PALM2AKAP2: variants seen among roughly 807,000 people sequenced by gnomAD.
The protein encoded by PALM2AKAP2 is PALM2-AKAP2 fusion protein.
A neutral mutation model predicts 71.5 loss-of-function variants in PALM2AKAP2; 37 were observed. The ratio of observed to expected loss-of-function variants is 0.52; its 90% confidence interval spans 0.40 to 0.68. The LOEUF (loss-of-function observed/expected upper bound fraction) is 0.68. PALM2AKAP2 is among the 30% of genes least tolerant of loss of function. The pLI, the probability that PALM2AKAP2 is intolerant of heterozygous loss-of-function variation, is 0.00. For missense variants in PALM2AKAP2, 1,224 were observed against 1,191.8 expected, an observed-to-expected ratio of 1.03 and a Z score of -0.40; for synonymous variants, 468 against 478.8, an observed-to-expected ratio of 0.98 and a Z score of 0.29.
intron 1 of PALM2AKAP2, among the ~76,000 whole-genome samples, chr9:109,644,819 C>T (rs1196954816): frequency 6.6e-6 from 1 of 152,184 alleles, no homozygotes; most frequent in Non-Finnish European, 1.5e-5. Context: ...CAAGAGTCAC[C>T]TTTGCTCCAG....
At chr9:110,063,534 G>A (rs1834008627) in intron 1 of PALM2AKAP2, among the ~76,000 whole-genome samples, 1 of 151,750 alleles carries the variant, frequency 6.6e-6, no homozygotes, top group African/African-American at 2.4e-5. Flanking sequence ...CTGCCTCCCA[G>A]GTTCAAGTGA....
intron 7 of PALM2AKAP2, among the ~76,000 whole-genome samples, chr9:110,037,394 CG>C (rs1457249318): frequency 2.0e-5 from 3 of 152,190 alleles, no homozygotes; most frequent in East Asian, 3.9e-4. Flanking sequence ...TTAGTAGGGA[CG>C]GGGTTACTCC....
At chr9:109,867,523 C>A (rs1482620618) in exon 2 of PALM2AKAP2, 1 of 1,612,856 alleles carries the variant, frequency 6.2e-7, no homozygotes, top group African/African-American at 1.3e-5. Context: ...AAATAGAAGG[C>A]AAGCGACAAC....
chr9:109,640,934 C>A, intron 1 of PALM2AKAP2: 1 of 1,462,546 alleles, frequency 6.8e-7, no homozygotes, highest in South Asian at 1.4e-5. Context: ...ACCGCGGCGG[C>A]AGGCAGATCC....
intron 1 of PALM2AKAP2, among the ~76,000 whole-genome samples, chr9:110,074,478 A>G (rs1248441280): frequency 1.3e-5 from 2 of 152,182 alleles, no homozygotes; most frequent in East Asian, 1.9e-4. Context: ...CATGAGGTCT[A>G]TGGTTTACAT....
chr9:110,019,268 A>G (rs1430080748), intron 7 of PALM2AKAP2, among the ~76,000 whole-genome samples: 1 of 151,302 alleles, frequency 6.6e-6, no homozygotes, highest in Non-Finnish European at 1.5e-5. Flanking sequence ...AAAGAGAGAT[A>G]CCATCTCACA....
At position 110,089,577 on chromosome 9, in the gene PALM2AKAP2, C is replaced by T. The variant is rs541915491; in HGVS notation, c.156+40722C>T. On this transcript the variant is annotated intron_variant, in intron 1 of 3. Coordinates refer to ENST00000374525, the Ensembl canonical transcript of PALM2AKAP2. ...TGTTTAAAAAAATCCCTTCTTAACA[C>T]AATTCTTAACAAAAATAGGATTTTG... Among the ~76,000 whole-genome samples, 20 of 152,322 alleles carry T rather than the reference C, an allele frequency of 1.3e-4. No individual in the cohort carries two copies. In the South Asian group the frequency reaches 4.2e-3, roughly 32 times the overall value.
chr9:109,813,912 AG>A (rs1457963469), intron 1 of PALM2AKAP2, among the ~76,000 whole-genome samples: 1 of 152,122 alleles, frequency 6.6e-6, no homozygotes, highest in East Asian at 1.9e-4. Flanking sequence ...TGGTGACCAC[AG>A]GATGGTTCAT....
At chr9:109,777,557 T>G (rs548206528), upstream of PALM2AKAP2, among the ~76,000 whole-genome samples, 21 of 152,354 alleles carry the variant, frequency 1.4e-4, no homozygotes, top group Non-Finnish European at 2.2e-4. Context: ...CTCTGATCTC[T>G]CGCTCATCCC....
rs150469655 is a variant in PALM2AKAP2 at position 109,785,786 on chromosome 9, C to G, written c.45+5253C>G. 4.4e-3 allele frequency among the ~76,000 whole-genome samples: 672 copies of G among 152,290 alleles called. 7 individuals carry two copies. Among genetic ancestry groups the G allele is most frequent in the African/African-American group, 0.016 (650 of 41,546 alleles). Reference sequence around the variant, plus strand: ...ATTCAAGATGAGATTTGGGTGGGGACACAGCAAAACCGTATCACTTGTGTT... The same window carrying G: ...ATTCAAGATGAGATTTGGGTGGGGAGACAGCAAAACCGTATCACTTGTGTT... On this transcript the variant is annotated intron_variant, in intron 1 of 9. Transcript: ENST00000302798.
At chr9:109,794,659 A>G (rs1225734179) in intron 1 of PALM2AKAP2, among the ~76,000 whole-genome samples, 1 of 152,196 alleles carries the variant, frequency 6.6e-6, no homozygotes, top group Non-Finnish European at 1.5e-5. Context: ...GGCCAGTGGT[A>G]GCAGGATCGA....
At chr9:109,783,772 T>A (rs578226077) in intron 1 of PALM2AKAP2, among the ~76,000 whole-genome samples, 2 of 152,346 alleles carry the variant, frequency 1.3e-5, no homozygotes, top group Admixed American at 1.3e-4. Context: ...TTGGCAACAC[T>A]GAAAAGTTGG....
chr9:110,079,454 C>A (rs1378827604), intron 1 of PALM2AKAP2, among the ~76,000 whole-genome samples: 1 of 152,088 alleles, frequency 6.6e-6, no homozygotes, highest in Non-Finnish European at 1.5e-5. Context: ...CGAGATCGTG[C>A]CACTGGACTC....
chr9:109,673,029 T>A (rs1827598336), intron 1 of PALM2AKAP2, among the ~76,000 whole-genome samples: 1 of 152,068 alleles, frequency 6.6e-6, no homozygotes, highest in Non-Finnish European at 1.5e-5. Context: ...ATCTATTAAG[T>A]TTTTCAAAAA....
chr9:109,921,190 T>C (rs1348259857), intron 3 of PALM2AKAP2, among the ~76,000 whole-genome samples: 1 of 152,246 alleles, frequency 6.6e-6, no homozygotes, highest in Non-Finnish European at 1.5e-5. Flanking sequence ...TTATCTTGGC[T>C]GGGCCACACC....
intron 7 of PALM2AKAP2, among the ~76,000 whole-genome samples, chr9:110,034,891 C>T (rs1354669018): frequency 6.6e-6 from 1 of 151,948 alleles, no homozygotes; most frequent in Non-Finnish European, 1.5e-5. Flanking sequence ...GTGTGAGCCA[C>T]CACGCCCGGC....
intron 1 of PALM2AKAP2, among the ~76,000 whole-genome samples, chr9:109,701,733 A>C (rs1033329734): frequency 2.0e-5 from 3 of 152,246 alleles, no homozygotes; most frequent in Non-Finnish European, 2.9e-5. Context: ...CAAAAGCCAA[A>C]ATTGACAAAT....
At chr9:110,048,129 A>C (rs1833632684), upstream of PALM2AKAP2, among the ~76,000 whole-genome samples, 1 of 152,138 alleles carries the variant, frequency 6.6e-6, no homozygotes, top group Non-Finnish European at 1.5e-5. Context: ...ACGCGGAGAC[A>C]CCATTACTGC....
Position 109,840,964 on chromosome 9 carries a change from G to C in PALM2AKAP2, c.46-26527G>C, listed in dbSNP as rs547559713. Among the ~76,000 whole-genome samples, 1,284 of 152,290 alleles carry C rather than the reference G, an allele frequency of 8.4e-3. 8 individuals are homozygous for C. The highest frequency in any genetic ancestry group is 0.014 in the Non-Finnish European group (946 of 68,018). On this transcript the variant is annotated intron_variant, in intron 1 of 9. Transcript: ENST00000302798. ...CATTGTGGAAGACAGTGTGGCGATA[G>C]CTCAGGGATCTAGAACTAGAAATAC...
Sources: allele counts gnomAD v4.1 joint callset (sites outside exome capture counted in the v4.1 genomes callset), GRCh38; gene constraint gnomAD v4.1.1; transcripts MANE v1.5; gene names NCBI Gene and HGNC (gene_info 2026-07-23, HGNC 2026-07-21).